Variants in CNTN5 observed in about 807,000 individuals in gnomAD.
The protein encoded by CNTN5 is contactin 5.
Under a neutral mutation model 129.1 loss-of-function variants are expected in CNTN5, and 77 were observed. The observed-to-expected ratio is 0.60, with a 90% CI of 0.50 to 0.72. The LOEUF (loss-of-function observed/expected upper bound fraction) is 0.72, where lower values mean the gene tolerates loss of function less well. Among genes scored for constraint, CNTN5 ranks in the 30% least tolerant of loss-of-function variants. The pLI, the probability that CNTN5 is intolerant of heterozygous loss-of-function variation, is 0.00. For missense variants in CNTN5, 1,478 were observed against 1,328.8 expected, an observed-to-expected ratio of 1.11 and a Z score of -1.75; for synonymous variants, 509 against 465.6, an observed-to-expected ratio of 1.09 and a Z score of -1.20.
chr11:99,322,410 A>T (rs747864734), intron 1 of CNTN5, among the ~76,000 whole-genome samples: 6 of 152,186 alleles, frequency 3.9e-5, no homozygotes, highest in Admixed American at 1.3e-4. Context: ...AAAAATTATC[A>T]GGAAAACTTT....
chr11:99,098,025 T>A (rs1866557653), intron 1 of CNTN5, among the ~76,000 whole-genome samples: 1 of 152,068 alleles, frequency 6.6e-6, no homozygotes, highest in Non-Finnish European at 1.5e-5. Context: ...ATTTGCTGTA[T>A]CTAGGTTCTG....
chr11:99,149,592 C>T (rs1319432622), intron 1 of CNTN5, among the ~76,000 whole-genome samples: 1 of 151,920 alleles, frequency 6.6e-6, no homozygotes, highest in Non-Finnish European at 1.5e-5. Context: ...AAACTGTTGG[C>T]AACAGCTTAG....
At chr11:100,002,005 A>T in intron 8 of CNTN5, 29 bp from the exon 9 acceptor site, 1 of 1,392,128 alleles carries the variant, frequency 7.2e-7, no homozygotes, top group South Asian at 1.3e-5. Flanking sequence ...CATTCATTTG[A>T]TGCTTAAAGA....
chr11:100,172,188 C>T (rs1310397192), intron 13 of CNTN5, among the ~76,000 whole-genome samples: 1 of 151,910 alleles, frequency 6.6e-6, no homozygotes, highest in Non-Finnish European at 1.5e-5. Flanking sequence ...ATAGTAGTTA[C>T]TGTCTCTATC....
chr11:100,063,380 GAA>G (rs199747199), intron 10 of CNTN5, among the ~76,000 whole-genome samples: 2 of 142,006 alleles, frequency 1.4e-5, no homozygotes, highest in South Asian at 2.2e-4. Context: ...ACTTTGAATA[GAA>G]AAAAAAAAAA....
chr11:99,837,411 C>A (rs1048061861), intron 4 of CNTN5, among the ~76,000 whole-genome samples: 1 of 152,134 alleles, frequency 6.6e-6, no homozygotes, highest in Non-Finnish European at 1.5e-5. Flanking sequence ...AGTTTTGGAA[C>A]CACTTTCAGT....
At chr11:99,124,920 A>C (rs1389900999) in intron 1 of CNTN5, among the ~76,000 whole-genome samples, 1 of 152,118 alleles carries the variant, frequency 6.6e-6, no homozygotes, top group African/African-American at 2.4e-5. Context: ...ACCAGAAAGC[A>C]ATCGAATGTC....
chr11:99,894,142 A>T (rs1335428268), intron 6 of CNTN5, among the ~76,000 whole-genome samples: 1 of 152,160 alleles, frequency 6.6e-6, no homozygotes, highest in Non-Finnish European at 1.5e-5. Flanking sequence ...CCCACCTAGT[A>T]GGTGGTATAT....
chr11:100,179,886 T>C (rs933614213), intron 13 of CNTN5, among the ~76,000 whole-genome samples: 1 of 152,112 alleles, frequency 6.6e-6, no homozygotes, highest in Admixed American at 6.6e-5. Context: ...AATAGTCCTA[T>C]GTCTTTTTTA....
intron 1 of CNTN5, among the ~76,000 whole-genome samples, chr11:99,269,211 C>A (rs556165254): frequency 2.4e-4 from 37 of 151,894 alleles, no homozygotes; most frequent in East Asian, 7.8e-4. Flanking sequence ...TTTGTTAAAT[C>A]CTTTTCTGTC....
intron 1 of CNTN5, among the ~76,000 whole-genome samples, chr11:99,255,053 A>G (rs1054168945): frequency 3.9e-5 from 6 of 151,958 alleles, no homozygotes; most frequent in Non-Finnish European, 8.8e-5. Flanking sequence ...AACAAAATAG[A>G]AAGGGGTAAG....
chr11:99,855,174 C>T (rs925387267), intron 6 of CNTN5, among the ~76,000 whole-genome samples: 2 of 151,988 alleles, frequency 1.3e-5, no homozygotes, highest in Admixed American at 1.3e-4. Flanking sequence ...CCAGACGTGG[C>T]AGTTTGTGAC....
intron 3 of CNTN5, among the ~76,000 whole-genome samples, chr11:99,817,659 GCA>G (rs1263516133): frequency 8.5e-6 from 1 of 117,250 alleles, no homozygotes; most frequent in African/African-American, 3.3e-5. Flanking sequence ...AAAACACAAA[GCA>G]ATAGATTGCA....
intron 7 of CNTN5, among the ~76,000 whole-genome samples, chr11:99,954,387 C>G (rs1008638974): frequency 1.3e-5 from 2 of 152,036 alleles, no homozygotes; most frequent in Non-Finnish European, 2.9e-5. Context: ...GTGGGAAAAT[C>G]ATAGTTGACC....
chr11:99,998,128 C>T (rs982803696), intron 8 of CNTN5, among the ~76,000 whole-genome samples: 2 of 151,622 alleles, frequency 1.3e-5, no homozygotes, highest in African/African-American at 4.9e-5. Context: ...CACTCCTATT[C>T]AACAGAGTGT....
intron 1 of CNTN5, among the ~76,000 whole-genome samples, chr11:99,296,017 G>T (rs958536311): frequency 6.6e-6 from 1 of 151,900 alleles, no homozygotes; most frequent in African/African-American, 2.4e-5. Flanking sequence ...AAGGCTGGCT[G>T]CAAAATTCTT....
intron 4 of CNTN5, among the ~76,000 whole-genome samples, chr11:99,821,034 T>C (rs538871299): frequency 1.3e-5 from 2 of 152,210 alleles, no homozygotes; most frequent in Non-Finnish European, 2.9e-5. Flanking sequence ...AGAAATGTTT[T>C]ATTTTCCAAA....
At chr11:99,905,271 A>C (rs897105509) in intron 6 of CNTN5, among the ~76,000 whole-genome samples, 1 of 152,136 alleles carries the variant, frequency 6.6e-6, no homozygotes, top group African/African-American at 2.4e-5. Flanking sequence ...TTGTGGTTTT[A>C]GGTCTTACGT....
rs544936761 is a variant in CNTN5 at position 99,712,447 on chromosome 11, T to G, written c.56-107097T>G. ...GTAGGTTGCCTGTTCACTTTGCTGA[T>G]AGTTTCTTTTGCTGTGCAGTAGCTC... is the stretch of plus-strand genomic sequence containing the variant. On this transcript the variant is annotated intron_variant, in intron 3 of 24. Coordinates refer to ENST00000524871, the MANE Select transcript of CNTN5 (RefSeq NM_014361.4). Among the ~76,000 whole-genome samples the G allele has an allele frequency of 1.3e-5, 2 of 152,326 alleles. 1 individual carries two copies. Among genetic ancestry groups the G allele is most frequent in the African/African-American group, 4.8e-5 (2 of 41,594 alleles).
Sources: allele counts gnomAD v4.1 joint callset (sites outside exome capture counted in the v4.1 genomes callset), GRCh38; gene constraint gnomAD v4.1.1; transcripts MANE v1.5; gene names NCBI Gene and HGNC (gene_info 2026-07-23, HGNC 2026-07-21).